The following PPP1R13B variants were observed in gnomAD, a reference collection of about 807,000 sequenced individuals.
PPP1R13B encodes the protein apoptosis-stimulating of p53 protein 1.
Under a neutral mutation model 119.8 loss-of-function variants are expected in PPP1R13B, and 44 were observed. The observed-to-expected ratio is 0.37, with a 90% confidence interval of 0.29 to 0.47. PPP1R13B has a LOEUF of 0.47. Among genes scored for constraint, PPP1R13B ranks in the 20% least tolerant of loss-of-function variants. The pLI is 0.99. For synonymous variants in PPP1R13B, 542 were observed against 561.5 expected, an observed-to-expected ratio of 0.97 and a Z score of 0.49; for missense variants, 1,227 against 1,413.5, an observed-to-expected ratio of 0.87 and a Z score of 2.12.
intron 3 of PPP1R13B, among the ~76,000 whole-genome samples, chr14:103,779,854 A>C (rs749351350): frequency 3.3e-5 from 5 of 152,116 alleles, no homozygotes; most frequent in Non-Finnish European, 7.3e-5. Context: ...AAAAATTTTC[A>C]AAAAGGCATT....
chr14:103,789,988 A>G (rs1465160852), intron 2 of PPP1R13B, among the ~76,000 whole-genome samples: 1 of 152,072 alleles, frequency 6.6e-6, no homozygotes, highest in East Asian at 1.9e-4. Context: ...GCTCACGTCC[A>G]TAATCCCAGC....
intron 5 of PPP1R13B, 142 bp downstream of exon 5, chr14:103,757,508 G>C: frequency 1.4e-6 from 1 of 696,574 alleles, no homozygotes; most frequent in Admixed American, 2.6e-5. Flanking sequence ...TGATAACAAA[G>C]AGAGAAAGAC....
At chr14:103,829,787 TA>T (rs200414753) in intron 1 of PPP1R13B, among the ~76,000 whole-genome samples, 3 of 152,094 alleles carry the variant, frequency 2.0e-5, no homozygotes, top group African/African-American at 2.4e-5. Flanking sequence ...AATATTTTAC[TA>T]TTTTTTTTTT....
chr14:103,835,126 G>C (rs1160354526), intron 1 of PPP1R13B, among the ~76,000 whole-genome samples: 1 of 151,846 alleles, frequency 6.6e-6, no homozygotes, highest in Non-Finnish European at 1.5e-5. Flanking sequence ...TTTTCTTTTA[G>C]ACAGGATCTG....
At chr14:103,779,710 C>A (rs2085294305) in intron 3 of PPP1R13B, among the ~76,000 whole-genome samples, 1 of 151,996 alleles carries the variant, frequency 6.6e-6, no homozygotes, top group Non-Finnish European at 1.5e-5. Flanking sequence ...TAGCTTGAGC[C>A]TAGGAGGTAG....
At chr14:103,847,701 C>CTT, upstream of PPP1R13B, 1 of 849,810 alleles carries the variant, frequency 1.2e-6, no homozygotes, top group Non-Finnish European at 1.4e-6. Flanking sequence ...AGGGGCGGGG[C>CTT]TTCCCGGCTC....
Position 103,754,548 on chromosome 14 carries a change from T to C in PPP1R13B, c.457-304A>G, listed in dbSNP as rs550093031. 2.8e-3 allele frequency among the ~76,000 whole-genome samples: 309 copies of C among 108,710 alleles called. 2 individuals are homozygous for C. The highest frequency in any genetic ancestry group is 0.012 in the African/African-American group (302 of 25,820). 71.3% of individuals were successfully genotyped at this position (108,710 alleles called of 152,430 possible). On this transcript the variant is annotated intron_variant, in intron 5 of 16. Coordinates refer to ENST00000202556, the MANE Select transcript of PPP1R13B (RefSeq NM_015316.3). ...CTGCACTCCAGCCTGGGTGCCAGAG[T>C]GAGACTCAGTCTCAAAAAAAAAAAA...
intron 11 of PPP1R13B, among the ~76,000 whole-genome samples, chr14:103,741,529 C>G (rs1196039628): frequency 6.6e-6 from 1 of 152,174 alleles, no homozygotes; most frequent in Non-Finnish European, 1.5e-5. Context: ...CTTCCCGGAG[C>G]TGGATTTCCT....
chr14:103,794,965 A>G (rs2085723551), intron 2 of PPP1R13B, among the ~76,000 whole-genome samples: 1 of 151,670 alleles, frequency 6.6e-6, no homozygotes, highest in African/African-American at 2.4e-5. Flanking sequence ...TTTTTTTTTG[A>G]GACAGTCTCG....
intron 2 of PPP1R13B, among the ~76,000 whole-genome samples, chr14:103,788,097 G>A (rs2085514971): frequency 6.6e-6 from 1 of 151,208 alleles, no homozygotes; most frequent in Non-Finnish European, 1.5e-5. Flanking sequence ...GGGTGACAGA[G>A]CAAGACCCTG....
chr14:103,773,660 A>C (rs2085120164), intron 4 of PPP1R13B, among the ~76,000 whole-genome samples: 1 of 152,226 alleles, frequency 6.6e-6, no homozygotes. Context: ...AAAACTGGAT[A>C]AACACTCCAG....
chr14:103,839,705 ACT>A (rs1294827935), intron 1 of PPP1R13B, among the ~76,000 whole-genome samples: 1 of 150,204 alleles, frequency 6.7e-6, no homozygotes, highest in Non-Finnish European at 1.5e-5. Flanking sequence ...ATCCTACACT[ACT>A]CTCTCCATCA....
chr14:103,779,644 T>C (rs954542497), intron 3 of PPP1R13B, among the ~76,000 whole-genome samples: 1 of 149,656 alleles, frequency 6.7e-6, no homozygotes, highest in Non-Finnish European at 1.5e-5. Context: ...TAGCGAGGCA[T>C]GGTGACATGT....
chr14:103,843,888 G>A (rs935571826), intron 1 of PPP1R13B, among the ~76,000 whole-genome samples: 1 of 151,840 alleles, frequency 6.6e-6, no homozygotes, highest in Non-Finnish European at 1.5e-5. Context: ...AGGAGGCAGA[G>A]GTTGCAGTGA....
At chr14:103,810,068 C>T (rs1234024883) in intron 1 of PPP1R13B, among the ~76,000 whole-genome samples, 4 of 147,084 alleles carry the variant, frequency 2.7e-5, no homozygotes, top group African/African-American at 9.9e-5. Context: ...TTGTGATCTG[C>T]CCGCCTTGGC....
intron 3 of PPP1R13B, among the ~76,000 whole-genome samples, chr14:103,780,360 G>A (rs187433065): frequency 1.8e-3 from 272 of 151,204 alleles, no homozygotes; most frequent in South Asian, 3.8e-3. Context: ...GGTGGCACAC[G>A]CCTGCGGTCC....
intron 4 of PPP1R13B, among the ~76,000 whole-genome samples, chr14:103,771,613 T>C (rs2085071890): frequency 1.3e-5 from 2 of 151,616 alleles, no homozygotes; most frequent in Admixed American, 1.3e-4. Flanking sequence ...CCTGAGTAGT[T>C]GGGATTACAG....
intron 1 of PPP1R13B, among the ~76,000 whole-genome samples, chr14:103,829,604 A>C (rs2086623937): frequency 6.6e-6 from 1 of 152,006 alleles, no homozygotes; most frequent in Non-Finnish European, 1.5e-5. Flanking sequence ...ATAAAAACAC[A>C]CATCTATAGT....
Position 103,749,805 on chromosome 14 carries a change from T to C in PPP1R13B, c.958A>G (p.Lys320Glu). Residue 320 changes from lysine to glutamate, a missense_variant, in exon 8 of 17, where the codon AAA (lysine) becomes GAA (glutamate). Transcript: ENST00000202556. Reference protein sequence around the residue: ...ISELRERLYGKKIQLNRVNGT... With the variant: ...ISELRERLYGEKIQLNRVNGT... The stretch of plus-strand genomic sequence containing the variant: ...ACTTTTTCACATGCCTGAATTTTTT[T>C]CCCATAGAGACGTTCACGCAGTTCA... The C allele has an allele frequency of 6.2e-7, 1 of 1,610,260 alleles. No homozygotes were observed. The highest frequency in any genetic ancestry group is 8.5e-7 in the Non-Finnish European group (1 of 1,179,042).
Sources: allele counts gnomAD v4.1 joint callset (sites outside exome capture counted in the v4.1 genomes callset), GRCh38; gene constraint gnomAD v4.1.1; transcripts MANE v1.5; gene names NCBI Gene and HGNC (gene_info 2026-07-23, HGNC 2026-07-21).